Variants in NR2C2 observed in about 807,000 individuals in gnomAD.
The protein encoded by NR2C2 is Nuclear hormone receptor TR4.
NR2C2 carries 6 observed loss-of-function variants against 62.9 expected under a neutral mutation model. The observed-to-expected ratio is 0.10, with a 90% CI of 0.05 to 0.19. NR2C2 has a LOEUF of 0.19. NR2C2 is among the 10% of genes least tolerant of loss of function. The pLI, the probability that NR2C2 is intolerant of heterozygous loss-of-function variation, is 1.00. For synonymous variants in NR2C2, 272 were observed against 273.8 expected, an observed-to-expected ratio of 0.99 and a Z score of 0.07; for missense variants, 479 against 762.7, an observed-to-expected ratio of 0.63 and a Z score of 4.38.
At chr3:14,978,056 T>C (rs1036182369) in intron 1 of NR2C2, among the ~76,000 whole-genome samples, 2 of 149,618 alleles carry the variant, frequency 1.3e-5, no homozygotes, top group Admixed American at 1.3e-4. Context: ...GAAATAAAAA[T>C]ATTAAAAAAA....
chr3:15,011,585 C>A (rs1405463437), intron 2 of NR2C2, among the ~76,000 whole-genome samples: 3 of 152,154 alleles, frequency 2.0e-5, no homozygotes, highest in African/African-American at 7.2e-5. Context: ...CCGGGCATGC[C>A]ACAGATTGTA....
chr3:15,042,599 G>T, intron 13 of NR2C2: 1 of 391,090 alleles, frequency 2.6e-6, no homozygotes, highest in Non-Finnish European at 4.5e-6. Flanking sequence ...GAGGAGAGTT[G>T]GAATAAACAA....
intron 1 of NR2C2, among the ~76,000 whole-genome samples, chr3:14,973,604 T>C (rs945386943): frequency 3.3e-5 from 5 of 152,216 alleles, no homozygotes; most frequent in African/African-American, 1.2e-4. Flanking sequence ...GATCCAGTTA[T>C]ACGGTATTGT....
At chr3:14,953,500 C>T (rs2039430086) in intron 1 of NR2C2, among the ~76,000 whole-genome samples, 1 of 152,178 alleles carries the variant, frequency 6.6e-6, no homozygotes, top group Non-Finnish European at 1.5e-5. Flanking sequence ...CCTGGTTTTA[C>T]AGGGAGCTGC....
intron 10 of NR2C2, among the ~76,000 whole-genome samples, chr3:15,033,575 T>C (rs1220304974): frequency 1.3e-5 from 2 of 151,902 alleles, no homozygotes; most frequent in Non-Finnish European, 2.9e-5. Flanking sequence ...AGGAGTTTCA[T>C]TGTTAGCTCT....
At position 15,023,461 on chromosome 3, in the gene NR2C2, TTG is replaced by T. The variant is rs1283207745; in HGVS notation, c.704+118_704+119del. The T allele has an allele frequency of 1.3e-5, 16 of 1,207,026 alleles. No individual in the cohort carries two copies. In the East Asian group the frequency reaches 3.7e-4, roughly 28 times the overall value. 74.8% of individuals were successfully genotyped at this position (1,207,026 alleles called of 1,614,324 possible). ...CACCCATCTGCCATAGCCTCCAGCG[TTG>T]TGTTGCCTAATTCTGCCCCTTCTGG... On this transcript the variant is annotated intron_variant, in intron 6 of 13. Transcript: ENST00000425241.
At chr3:14,974,764 C>T (rs113362793) in intron 1 of NR2C2, among the ~76,000 whole-genome samples, 6,377 of 151,908 alleles carry the variant, frequency 0.042, 177 homozygotes, top group South Asian at 0.065. Context: ...CCACCATGCC[C>T]GGCTAATTTT....
In NR2C2 at chr3:15,022,959, G is replaced by A. The variant is rs527265882; in HGVS notation, c.557-241G>A. Among the ~76,000 whole-genome samples the A allele has an allele frequency of 2.2e-4, 34 of 152,312 alleles. No homozygotes were observed. The East Asian group carries it at 6.6e-3, about 29-fold the overall frequency. ...CCATAGGCCACATAGGTGCTGTGCT[G>A]CAGTTTTTTTTAGCAGGGAATACCA... On this transcript the variant is annotated intron_variant, in intron 5 of 13. Coordinates refer to ENST00000425241, the MANE Select transcript of NR2C2 (RefSeq NM_001291694.2).
At chr3:14,962,712 G>T (rs2039721748) in intron 1 of NR2C2, among the ~76,000 whole-genome samples, 1 of 145,126 alleles carries the variant, frequency 6.9e-6, no homozygotes, top group Non-Finnish European at 1.5e-5. Context: ...TTAATAAGGT[G>T]ACTTGAACTT....
chr3:15,014,953 A>C (rs1380767476), intron 3 of NR2C2, among the ~76,000 whole-genome samples: 2 of 152,236 alleles, frequency 1.3e-5, no homozygotes, highest in African/African-American at 4.8e-5. Context: ...ACTATGAAGA[A>C]ACTTAAAGAA....
At chr3:14,973,958 A>C (rs1277237576) in intron 1 of NR2C2, among the ~76,000 whole-genome samples, 1 of 152,210 alleles carries the variant, frequency 6.6e-6, no homozygotes, top group African/African-American at 2.4e-5. Context: ...AAAAATTACA[A>C]GTCAGATCAT....
In NR2C2 at chr3:14,951,497, G is replaced by T. The variant is rs984038086; in HGVS notation, c.-40+3591G>T. ...TAATAGTTTAACTGTTTATTTTTGGGTTTTTTTTTCTGTCTTGCTCAAAGA... is the reference window on the plus strand; with the variant it reads ...TAATAGTTTAACTGTTTATTTTTGGTTTTTTTTTTCTGTCTTGCTCAAAGA... On this transcript the variant is annotated intron_variant, in intron 1 of 13. Coordinates refer to ENST00000425241, the MANE Select transcript of NR2C2 (RefSeq NM_001291694.2). Among the ~76,000 whole-genome samples, 18 of 150,450 alleles carry T rather than the reference G, an allele frequency of 1.2e-4. 1 individual carries two copies. The highest frequency in any genetic ancestry group is 8.6e-4 in the Admixed American group (13 of 15,112).
At chr3:14,993,360 A>G (rs973566549) in intron 1 of NR2C2, among the ~76,000 whole-genome samples, 6 of 152,100 alleles carry the variant, frequency 3.9e-5, no homozygotes, top group African/African-American at 9.6e-5. Flanking sequence ...AGGCTGAGGC[A>G]GGAGAATCGC....
At chr3:15,034,853 C>T (rs373015120) in intron 11 of NR2C2, 44 bp downstream of exon 11, 2 of 1,554,334 alleles carry the variant, frequency 1.3e-6, no homozygotes, top group Admixed American at 1.9e-5. Flanking sequence ...TTGGTTCAGC[C>T]TGGTGGCCAT....
At chr3:15,034,401 T>C in intron 10 of NR2C2, 1 of 342,884 alleles carries the variant, frequency 2.9e-6, no homozygotes, top group Non-Finnish European at 5.3e-6. Context: ...TAGGTAATGA[T>C]GGTTTGGCCA....
At chr3:15,041,702 G>A (rs1200945821) in intron 13 of NR2C2, among the ~76,000 whole-genome samples, 1 of 151,966 alleles carries the variant, frequency 6.6e-6, no homozygotes, top group African/African-American at 2.4e-5. Context: ...ACAAAAAAAT[G>A]AAAAATTAGT....
Position 15,016,258 on chromosome 3 carries a change from T to C in NR2C2, c.376+4T>C. The stretch of plus-strand genomic sequence containing the variant: ...GTCTGTGGCGACAAAGCCTCCGGTA[T>C]GTAGTTCCAGGTTATGCTGGCACTT... On this transcript the variant is annotated splice_donor_region_variant and intron_variant, in intron 4 of 13. Transcript: ENST00000425241. 2.5e-6 allele frequency: 4 copies of C among 1,609,666 alleles called. No homozygotes were observed. The highest frequency in any genetic ancestry group is 4.5e-5 in the East Asian group (2 of 44,832).
At chr3:14,953,610 G>T (rs114180423) in intron 1 of NR2C2, among the ~76,000 whole-genome samples, 2 of 151,996 alleles carry the variant, frequency 1.3e-5, no homozygotes, top group Non-Finnish European at 2.9e-5. Context: ...AAAGATTCAC[G>T]TATGGCCAGG....
intron 2 of NR2C2, among the ~76,000 whole-genome samples, chr3:15,008,606 G>C (rs2041258746): frequency 6.6e-6 from 1 of 152,198 alleles, no homozygotes; most frequent in South Asian, 2.1e-4. Flanking sequence ...TTCATTGGCA[G>C]GCTCTTCTTT....
Sources: gnomAD v4.1 joint callset for allele counts (sites outside exome capture counted in the v4.1 genomes callset) on GRCh38, gnomAD v4.1.1 for gene constraint, MANE v1.5 for transcripts, NCBI Gene and HGNC (gene_info 2026-07-23, HGNC 2026-07-21) for gene names.